The following ZC3H12B variants were observed in gnomAD, a reference collection of about 807,000 sequenced individuals.
ZC3H12B encodes the protein zinc finger CCCH-type containing 12B.
ZC3H12B carries 7 observed loss-of-function variants against 43.9 expected under a neutral mutation model. The ratio of observed to expected loss-of-function variants is 0.16; its 90% CI spans 0.09 to 0.30. ZC3H12B has a LOEUF of 0.30. ZC3H12B is among the 10% of genes least tolerant of loss of function. The pLI is 1.00. For missense variants in ZC3H12B, 475 were observed against 670.2 expected (o/e 0.71, Z 3.22); for synonymous variants, 222 against 241.7 (o/e 0.92, Z 0.76).
chrX:65,141,451 G>T, the ZC3H12B span, among the ~76,000 whole-genome samples: 1 of 108,385 alleles, frequency 9.2e-6, no homozygotes, highest in Non-Finnish European at 1.9e-5. Context: ...TTATAATAAG[G>T]GTTCTATTTA....
chrX:65,409,993 G>A (rs1259716672), intron 3 of ZC3H12B, among the ~76,000 whole-genome samples: 1 of 107,575 alleles, frequency 9.3e-6, no homozygotes, highest in Non-Finnish European at 1.9e-5. Flanking sequence ...ATAAGACCCA[G>A]AATAGCCAAA....
chrX:65,134,936 C>T, the ZC3H12B span, among the ~76,000 whole-genome samples: 1 of 110,797 alleles, frequency 9.0e-6, no homozygotes, highest in African/African-American at 3.3e-5. Context: ...AGTGGGGGAG[C>T]TTCTGAGACA....
chrX:65,404,143 T>C (rs895377125), intron 3 of ZC3H12B, among the ~76,000 whole-genome samples: 1 of 112,146 alleles, frequency 8.9e-6, no homozygotes, highest in Non-Finnish European at 1.9e-5. Context: ...GTTTCTTTAT[T>C]TGTTTATGAA....
chrX:65,407,599 G>A (rs1399519227), intron 3 of ZC3H12B, among the ~76,000 whole-genome samples: 2 of 113,600 alleles, frequency 1.8e-5, no homozygotes, highest in African/African-American at 6.4e-5. Context: ...CGCCTCGCCC[G>A]CCGCCGCCTC....
chrX:65,067,793 G>A, the ZC3H12B span, among the ~76,000 whole-genome samples: 14 of 108,636 alleles, frequency 1.3e-4, no homozygotes, highest in East Asian at 8.6e-4. Context: ...TTTGGTTTGC[G>A]CTTGCTTTTG....
the ZC3H12B span, among the ~76,000 whole-genome samples, chrX:65,096,070 A>G: frequency 9.0e-6 from 1 of 111,555 alleles, no homozygotes; most frequent in African/African-American, 3.3e-5. Context: ...TATGGCAGAA[A>G]TATTATAATT....
In ZC3H12B at chrX:65,457,993, C is replaced by T. The variant is rs1488358561; in HGVS notation, n.408-30653C>T. Among the ~76,000 whole-genome samples, 3 of 65,541 alleles carry T rather than the reference C, an allele frequency of 4.6e-5. No homozygotes were observed. In the Admixed American group the frequency reaches 5.3e-4, roughly 12 times the overall value. 56.9% of individuals were successfully genotyped at this position (65,541 alleles called of 115,157 possible). A position where few individuals can be genotyped will look rare whatever the true frequency, so the allele number is the denominator to read the frequency against. On this transcript the variant is annotated intron_variant and non_coding_transcript_variant, in intron 3 of 5. Transcript: ENST00000617377. ...CTTTGTTCACTTGTTTATCTGCTGA[C>T]CTTCCCTCCACTATTGTCCTATGAC...
At chrX:65,468,519 T>C (rs2067856542) in intron 3 of ZC3H12B, among the ~76,000 whole-genome samples, 2 of 103,685 alleles carry the variant, frequency 1.9e-5, no homozygotes, top group Non-Finnish European at 4.0e-5. Context: ...AGTCTCACTC[T>C]GTCACGCAGG....
upstream of ZC3H12B, among the ~76,000 whole-genome samples, chrX:65,485,655 T>C (rs1467591552): frequency 8.9e-6 from 1 of 112,360 alleles, no homozygotes; most frequent in Non-Finnish European, 1.9e-5. Flanking sequence ...TCTTTTGCTT[T>C]AGCCATCTTC....
the ZC3H12B span, chrX:65,328,622 G>C: frequency 6.5e-6 from 1 of 154,225 alleles, no homozygotes. Flanking sequence ...TGTTACATAT[G>C]TATACATGTT....
chrX:65,211,492 C>A, the ZC3H12B span, among the ~76,000 whole-genome samples: 1 of 105,942 alleles, frequency 9.4e-6, no homozygotes, highest in African/African-American at 3.4e-5. Context: ...TTCACAACAA[C>A]CTTATCAGTT....
chrX:65,053,570 A>T, the ZC3H12B span, among the ~76,000 whole-genome samples: 1 of 111,580 alleles, frequency 9.0e-6, no homozygotes, highest in African/African-American at 3.3e-5. Flanking sequence ...ATAAACATAC[A>T]TGTGCATGTG....
chrX:65,146,414 C>T, the ZC3H12B span, among the ~76,000 whole-genome samples: 2 of 111,960 alleles, frequency 1.8e-5, no homozygotes, highest in Non-Finnish European at 3.8e-5. Flanking sequence ...TTGTCTGATG[C>T]CTCCCTGATT....
At chrX:65,235,968 C>T in the ZC3H12B span, among the ~76,000 whole-genome samples, 17 of 112,044 alleles carry the variant, frequency 1.5e-4, no homozygotes, top group African/African-American at 4.5e-4. Context: ...AAGCTCTCAG[C>T]TCTGAGAGTG....
chrX:65,395,580 G>C (rs2066685586), intron 2 of ZC3H12B, among the ~76,000 whole-genome samples: 1 of 111,421 alleles, frequency 9.0e-6, no homozygotes, highest in African/African-American at 3.2e-5. Flanking sequence ...TGCTGAATTT[G>C]GTTTGCCAGA....
chrX:65,488,943 C>T lies in ZC3H12B; in HGVS notation c.142C>T (p.Gln48Ter). The change falls in exon 1 of 5, where the codon CAG (glutamine) becomes TAG (stop). Residue 48 changes from glutamine (Q) to a stop codon, truncating the protein, a stop_gained. Coordinates refer to ENST00000338957, the Ensembl canonical transcript of ZC3H12B. LOFTEE classifies it high-confidence loss of function. ...GATGAGCTCTGAGAGTGACCCTGAA[C>T]AGATAAGCCTTAAGAGTAGCGACAA... 2 of 1,210,656 alleles carry T rather than the reference C, an allele frequency of 1.7e-6. No individual in the cohort carries two copies. The highest frequency in any genetic ancestry group is 2.2e-6 in the Non-Finnish European group (2 of 895,062).
At chrX:65,174,872 G>A in the ZC3H12B span, among the ~76,000 whole-genome samples, 3 of 110,536 alleles carry the variant, frequency 2.7e-5, no homozygotes, top group Non-Finnish European at 5.7e-5. Flanking sequence ...TCATTTCCAG[G>A]GGAGTTTACA....
chrX:65,155,955 A>C, the ZC3H12B span, among the ~76,000 whole-genome samples: 2 of 111,062 alleles, frequency 1.8e-5, no homozygotes, highest in African/African-American at 3.3e-5. Context: ...CCTTTAAACT[A>C]TCTCTGCCTA....
chrX:65,189,623 C>T, the ZC3H12B span, among the ~76,000 whole-genome samples: 6 of 101,648 alleles, frequency 5.9e-5, no homozygotes, highest in East Asian at 3.0e-4. Context: ...TCATGTCCTT[C>T]GCCCACTTTT....
Sources: gnomAD v4.1 joint callset for allele counts (sites outside exome capture counted in the v4.1 genomes callset) on GRCh38, gnomAD v4.1.1 for gene constraint, MANE v1.5 for transcripts, NCBI Gene and HGNC (gene_info 2026-07-23, HGNC 2026-07-21) for gene names.